The following KCNH1 variants were observed in gnomAD, a reference collection of about 807,000 sequenced individuals.
The protein encoded by KCNH1 is potassium voltage-gated channel subfamily H member 1, also known as voltage-gated delayed rectifier potassium channel KCNH1.
KCNH1 carries 27 observed loss-of-function variants against 69.2 expected under a neutral mutation model. The observed-to-expected ratio is 0.39, with a 90% CI of 0.29 to 0.54. The LOEUF (loss-of-function observed/expected upper bound fraction) is 0.54, where lower values mean the gene tolerates loss of function less well. Ranked by LOEUF, KCNH1 falls within the 20% of genes least tolerant of loss-of-function variation. The probability of loss-of-function intolerance (pLI) is 0.68; values close to 1 mark genes in which losing one functional copy is unlikely to be tolerated. For synonymous variants in KCNH1, 456 were observed against 487.7 expected, an observed-to-expected ratio of 0.93 and a Z score of 0.86; for missense variants, 798 against 1,261.6, an observed-to-expected ratio of 0.63 and a Z score of 5.57.
intron 7 of KCNH1, among the ~76,000 whole-genome samples, chr1:210,874,845 TACA>T (rs1366957282): frequency 6.6e-6 from 1 of 152,164 alleles, no homozygotes; most frequent in Non-Finnish European, 1.5e-5. Flanking sequence ...CCCTAACATA[TACA>T]CATAACCCAG....
intron 7 of KCNH1, among the ~76,000 whole-genome samples, chr1:210,910,277 C>CAAA (rs373832448): frequency 0.3 from 30,505 of 102,508 alleles, 5,903 homozygotes; most frequent in Non-Finnish European, 0.34. Flanking sequence ...CATCAAGCAC[C>CAAA]AAAAAAAAAA....
intron 5 of KCNH1, among the ~76,000 whole-genome samples, chr1:211,070,270 A>T (rs942777984): frequency 1.2e-4 from 18 of 151,716 alleles, no homozygotes; most frequent in African/African-American, 4.4e-4. Flanking sequence ...TACAAAAAAT[A>T]AGCCGGGCGT....
At chr1:210,860,696 C>G in intron 7 of KCNH1, 1 of 774,866 alleles carries the variant, frequency 1.3e-6, no homozygotes, top group Non-Finnish European at 2.4e-6. Context: ...TTAGATTTTT[C>G]TTGATTGCTG....
intron 7 of KCNH1, chr1:210,860,803 T>C (rs1363412105): frequency 3.2e-5 from 28 of 873,754 alleles, no homozygotes; most frequent in African/African-American, 8.2e-5. Flanking sequence ...TGTTTGAATG[T>C]TCTGATCACT....
At chr1:211,116,412 T>A (rs1002174199) in intron 1 of KCNH1, among the ~76,000 whole-genome samples, 10 of 152,196 alleles carry the variant, frequency 6.6e-5, no homozygotes, top group Non-Finnish European at 1.5e-5. Flanking sequence ...CTAGTAGTAC[T>A]CTGAGTTTGG....
At position 211,126,878 on chromosome 1, in the gene KCNH1, AACAAAATGTCAC is replaced by A. The variant is rs1691786722; in HGVS notation, c.79+6977_79+6988del. Among the ~76,000 whole-genome samples the A allele has an allele frequency of 2.6e-5, 4 of 152,266 alleles. No homozygotes were observed. In the South Asian group the frequency reaches 8.3e-4, roughly 32 times the overall value. ...TTTAAAGAAACCTCAACTGCATCAGAACAAAATGTCACACATTCTGCAATCTTCTTTTAATTC... is the reference window on the plus strand; with the variant it reads ...TTTAAAGAAACCTCAACTGCATCAGAACATTCTGCAATCTTCTTTTAATTC... On this transcript the variant is annotated intron_variant, in intron 1 of 10. Transcript: ENST00000271751.
intron 7 of KCNH1, among the ~76,000 whole-genome samples, chr1:210,895,846 A>G (rs181658940): frequency 6.6e-6 from 1 of 152,302 alleles, no homozygotes; most frequent in African/African-American, 2.4e-5. Context: ...CAACAACGCC[A>G]TATCACATTC....
At chr1:210,838,996 T>C (rs967082125) in intron 7 of KCNH1, among the ~76,000 whole-genome samples, 1 of 152,196 alleles carries the variant, frequency 6.6e-6, no homozygotes, top group African/African-American at 2.4e-5. Flanking sequence ...TGGAAGACAG[T>C]GTGGAGATTC....
chr1:211,046,529 T>G (rs2102436630), intron 5 of KCNH1, among the ~76,000 whole-genome samples: 1 of 152,248 alleles, frequency 6.6e-6, no homozygotes, highest in East Asian at 1.9e-4. Context: ...TTTTCACAAC[T>G]CTATGAGGTA....
At chr1:211,067,629 G>A (rs1690556067) in intron 5 of KCNH1, among the ~76,000 whole-genome samples, 1 of 152,144 alleles carries the variant, frequency 6.6e-6, no homozygotes, top group Non-Finnish European at 1.5e-5. Flanking sequence ...AGTGACATAA[G>A]GTATTTTTAA....
chr1:210,756,309 T>C lies in KCNH1; in HGVS notation c.2112+19039A>G, dbSNP rs894894953. On this transcript the variant is annotated intron_variant, in intron 10 of 10. Transcript: ENST00000271751. ...CTTTACCAATAGGGGGTGTCCAGTG[T>C]ATAATGTGCTCCATCCTGAGGAATG... Among the ~76,000 whole-genome samples the C allele has an allele frequency of 9.2e-5, 14 of 152,304 alleles. No homozygotes were observed. The Middle Eastern group carries it at 0.014, about 148-fold the overall frequency.
intron 7 of KCNH1, among the ~76,000 whole-genome samples, chr1:210,817,172 G>C (rs913912789): frequency 1.3e-5 from 2 of 151,970 alleles, no homozygotes; most frequent in African/African-American, 4.8e-5. Flanking sequence ...CAAAATAATA[G>C]ATCCCCCAAT....
intron 7 of KCNH1, among the ~76,000 whole-genome samples, chr1:210,900,097 G>A (rs1574326636): frequency 6.6e-6 from 1 of 152,196 alleles, no homozygotes; most frequent in South Asian, 2.1e-4. Context: ...TGGTAAACAA[G>A]GTAAACTCAA....
intron 9 of KCNH1, among the ~76,000 whole-genome samples, chr1:210,793,835 C>A (rs570400675): frequency 6.6e-6 from 1 of 152,306 alleles, no homozygotes; most frequent in East Asian, 1.9e-4. Context: ...ATTGCTCATC[C>A]AATGATCCTC....
chr1:211,123,820 G>A (rs1395578437), intron 1 of KCNH1, among the ~76,000 whole-genome samples: 3 of 152,004 alleles, frequency 2.0e-5, no homozygotes, highest in Non-Finnish European at 4.4e-5. Flanking sequence ...GAGACTGAGG[G>A]GAGAGAATGA....
At chr1:210,719,191 CTG>C (rs1682389183) in intron 10 of KCNH1, among the ~76,000 whole-genome samples, 2 of 152,178 alleles carry the variant, frequency 1.3e-5, no homozygotes, top group Non-Finnish European at 2.9e-5. Flanking sequence ...CTGGGGGCTA[CTG>C]CATGGAGCAG....
At chr1:210,718,109 A>AAAAC (rs1023353455) in intron 10 of KCNH1, among the ~76,000 whole-genome samples, 8 of 150,658 alleles carry the variant, frequency 5.3e-5, no homozygotes, top group Non-Finnish European at 7.4e-5. Context: ...TCCATCTCAG[A>AAAAC]AAACAAAAAC....
chr1:211,035,549 T>C (rs1036210894), intron 5 of KCNH1, among the ~76,000 whole-genome samples: 1 of 152,168 alleles, frequency 6.6e-6, no homozygotes, highest in Non-Finnish European at 1.5e-5. Context: ...AAAATATTTT[T>C]ATTGCTAGGA....
intron 3 of KCNH1, among the ~76,000 whole-genome samples, chr1:211,102,254 AC>A (rs1401040235): frequency 9.2e-5 from 14 of 152,286 alleles, no homozygotes; most frequent in African/African-American, 3.4e-4. Flanking sequence ...AACGTGGAAA[AC>A]TTTTAACTTA....
Sources: allele counts gnomAD v4.1 joint callset (sites outside exome capture counted in the v4.1 genomes callset), GRCh38; gene constraint gnomAD v4.1.1; transcripts MANE v1.5; gene names NCBI Gene and HGNC (gene_info 2026-07-23, HGNC 2026-07-21).